Variants in UMODL1 observed in about 807,000 individuals in gnomAD.
The protein encoded by UMODL1 is uromodulin like 1.
A neutral mutation model predicts 136.3 loss-of-function variants in UMODL1; 128 were observed. The observed-to-expected ratio is 0.94, with a 90% CI of 0.81 to 1.09. The LOEUF (loss-of-function observed/expected upper bound fraction) is 1.09, where lower values mean the gene tolerates loss of function less well. Ranked by LOEUF, UMODL1 falls within the 50% of genes least tolerant of loss-of-function variation. The pLI is 0.00. For synonymous variants in UMODL1, 721 were observed against 720.0 expected (o/e 1.00, Z -0.02); for missense variants, 1,766 against 1,725.6 (o/e 1.02, Z -0.41).
intron 19 of UMODL1, 149 bp from the exon 20 acceptor site, chr21:42,127,523 G>A: frequency 9.9e-7 from 1 of 1,008,500 alleles, no homozygotes; most frequent in Middle Eastern, 3.2e-4. Context: ...CCTGGGTTTT[G>A]GGGAACAAAT....
Position 42,074,810 on chromosome 21 carries a change from C to T in UMODL1, c.77-1195C>T, listed in dbSNP as rs149928394. ...CATGATCTGGGCTCACTGCAACCTCCGCCTCCTGGGTTCAAGCAATTCTCC... is the reference window on the plus strand; with the variant it reads ...CATGATCTGGGCTCACTGCAACCTCTGCCTCCTGGGTTCAAGCAATTCTCC... On this transcript the variant is annotated intron_variant, in intron 1 of 22. Transcript: ENST00000408910. 1.4e-4 allele frequency among the ~76,000 whole-genome samples: 22 copies of T among 152,228 alleles called. No individual in the cohort carries two copies. In the East Asian group the frequency reaches 3.7e-3, roughly 25 times the overall value.
chr21:42,111,337 G>A, intron 11 of UMODL1, 169 bp from the exon 12 acceptor site: 1 of 1,606,448 alleles, frequency 6.2e-7, no homozygotes, highest in Non-Finnish European at 8.5e-7. Flanking sequence ...GCCCCAGCCA[G>A]GGGAGCCCCA....
chr21:42,065,914 C>T (rs373407159), intron 1 of UMODL1, among the ~76,000 whole-genome samples: 12 of 152,320 alleles, frequency 7.9e-5, no homozygotes, highest in East Asian at 3.9e-4. Context: ...CTCCAGACCA[C>T]GCTGCCCTCC....
At chr21:42,119,413 C>A in intron 15 of UMODL1, 89 bp downstream of exon 15, 1 of 1,239,882 alleles carries the variant, frequency 8.1e-7, no homozygotes. Context: ...TGAAAGATGT[C>A]GTGTTGTGCC....
In UMODL1 at chr21:42,127,135, G is replaced by A. The variant is rs368983064; in HGVS notation, c.3423G>A (p.Val1141=). The A allele has an allele frequency of 4.1e-5, 66 of 1,614,044 alleles. No individual in the cohort carries two copies. Among genetic ancestry groups the A allele is most frequent in the Non-Finnish European group, 5.3e-5 (62 of 1,180,044 alleles). Residue 1141 remains valine (V), a synonymous_variant, in exon 19 of 23, where the codon GTG becomes GTA. Transcript: ENST00000408910. ...CCAGTGACGATGTCAGGATCGAAGT[G>A]GGGCTCTACAGGCAGAAAAGCAACC... ...VSASDDVRIE[V]GLYRQKSNLK... is the part of the protein sequence containing the mutation.
chr21:42,111,135 C>A lies in UMODL1; in HGVS notation c.1899+14C>A. ...GTGGAGCAGGAGGTGCCCAGCACTG[C>A]CCCGGGTCTGGGGATGGACCAGGGG... On this transcript the variant is annotated intron_variant, in intron 11 of 22. Transcript: ENST00000408910. The A allele has an allele frequency of 6.2e-7, 1 of 1,600,700 alleles. No individual in the cohort carries two copies. Among genetic ancestry groups the A allele is most frequent in the South Asian group, 1.1e-5 (1 of 89,318 alleles).
rs368843752 is a variant in UMODL1, at chr21:42,090,337, C to G, written c.830C>G (p.Ser277Cys). 3 of 1,614,046 alleles carry G rather than the reference C, an allele frequency of 1.9e-6. No homozygotes were observed. In the African/African-American group the frequency reaches 4.0e-5, roughly 22 times the overall value. Residue 277 changes from serine (S) to cysteine (C), a missense_variant, in exon 6 of 23, where the codon TCT (serine) becomes TGT (cysteine). Transcript: ENST00000408910. ...ECFYEELNAC[S>C]GRELCANLEG... Reference sequence around the variant, plus strand: ...TTCTATGAGGAGCTCAATGCCTGCTCTGGAAGGGAACTGTGCGCAAACCTG... The same window carrying G: ...TTCTATGAGGAGCTCAATGCCTGCTGTGGAAGGGAACTGTGCGCAAACCTG...
intron 1 of UMODL1, 25 bp downstream of exon 1, chr21:42,071,417 G>T: frequency 6.4e-7 from 1 of 1,555,184 alleles, no homozygotes; most frequent in Admixed American, 1.9e-5. Context: ...CTTGGCATGG[G>T]CAGTTCTTAA....
In UMODL1 at chr21:42,109,074, CCGCTGG is replaced by C. The variant is rs1439846938; in HGVS notation, c.1520-487_1520-482del. Reference sequence around the variant, plus strand: ...CGGCGTGGAAAGCTGGTGTTATACTCCGCTGGACCCCCACCCCCGGCGTGGAAAGCT... The same window carrying C: ...CGGCGTGGAAAGCTGGTGTTATACTCACCCCCACCCCCGGCGTGGAAAGCT... On this transcript the variant is annotated intron_variant, in intron 9 of 22. Coordinates refer to ENST00000408910, the MANE Select transcript of UMODL1 (RefSeq NM_001004416.3). 4.1e-4 allele frequency among the ~76,000 whole-genome samples: 55 copies of C among 135,268 alleles called. 1 individual carries two copies. Among genetic ancestry groups the C allele is most frequent in the Admixed American group, 7.5e-4 (10 of 13,406 alleles). 88.7% of individuals were successfully genotyped at this position (135,268 alleles called of 152,430 possible).
At chr21:42,080,624 A>G (rs73905539) in intron 2 of UMODL1, among the ~76,000 whole-genome samples, 5,826 of 152,330 alleles carry the variant, frequency 0.038, 359 homozygotes, top group African/African-American at 0.13. Context: ...TTTTAAAAAT[A>G]TAATTACAGA....
At chr21:42,089,967 T>A (rs1166432817) in intron 5 of UMODL1, among the ~76,000 whole-genome samples, 1 of 152,160 alleles carries the variant, frequency 6.6e-6, no homozygotes, top group Admixed American at 6.5e-5. Context: ...TACTTTACGC[T>A]TGGGGTGGGA....
chr21:42,072,950 C>T (rs578195023), intron 1 of UMODL1, among the ~76,000 whole-genome samples: 13 of 152,312 alleles, frequency 8.5e-5, no homozygotes, highest in African/African-American at 2.9e-4. Context: ...CACGTGACCT[C>T]GGATAAAATG....
Position 42,109,703 on chromosome 21 carries a change from C to G in UMODL1, c.1657+4C>G. 6.2e-7 allele frequency: 1 copy of G among 1,600,706 alleles called. No homozygotes were observed. The highest frequency in any genetic ancestry group is 8.5e-7 in the Non-Finnish European group (1 of 1,179,736). On this transcript the variant is annotated splice_donor_region_variant and intron_variant, in intron 10 of 22. Transcript: ENST00000408910. Reference sequence around the variant, plus strand: ...CGCGCAGGCCGGGCCTGTGAGGGTACGTGTCGACCCCCCTGCCGACTCTGG... The same window carrying G: ...CGCGCAGGCCGGGCCTGTGAGGGTAGGTGTCGACCCCCCTGCCGACTCTGG...
chr21:42,066,672 A>G (rs1332314156), upstream of UMODL1, among the ~76,000 whole-genome samples: 1 of 152,206 alleles, frequency 6.6e-6, no homozygotes, highest in Admixed American at 6.5e-5. Flanking sequence ...AGATACAGAC[A>G]ATTAACAAAC....
chr21:42,090,321 G>T lies in UMODL1; in HGVS notation c.814G>T (p.Glu272Ter), dbSNP rs1275123769. The T allele has an allele frequency of 2.5e-6, 4 of 1,614,122 alleles. No homozygotes were observed. Among genetic ancestry groups the T allele is most frequent in the Non-Finnish European group, 2.5e-6 (3 of 1,180,020 alleles). The part of the protein sequence containing the change: ...VQDVNECFYE[E>*]LNACSGRELC... Reference sequence around the variant, plus strand: ...AGATGTCAATGAGTGTTTCTATGAGGAGCTCAATGCCTGCTCTGGAAGGGA... The same window carrying T: ...AGATGTCAATGAGTGTTTCTATGAGTAGCTCAATGCCTGCTCTGGAAGGGA... The change falls in exon 6 of 23, where the codon GAG becomes TAG. Residue 272 changes from glutamate to a stop codon, truncating the protein, a stop_gained. Transcript: ENST00000408910. LOFTEE classifies it high-confidence loss of function.
chr21:42,103,893 T>A lies in UMODL1; in HGVS notation c.1325T>A (p.Val442Glu). The change falls in exon 9 of 23, where the codon GTG (valine) becomes GAG (glutamate). Residue 442 changes from valine to glutamate, a missense_variant. By Grantham distance (121) the Val-to-Glu change is moderately radical. Coordinates refer to ENST00000408910, the MANE Select transcript of UMODL1 (RefSeq NM_001004416.3). ...GTCGAGAGCTCCTTCCCACCAGTGG[T>A]GTCTGACTTGTACCGAAGTGGGAAG... Reference protein sequence around the residue: ...HEVESSFPPVVSDLYRSGKLR... With the variant: ...HEVESSFPPVESDLYRSGKLR... 1 of 1,614,164 alleles carries A rather than the reference T, an allele frequency of 6.2e-7. No homozygotes were observed. The highest frequency in any genetic ancestry group is 2.2e-5 in the East Asian group (1 of 44,876).
upstream of UMODL1, among the ~76,000 whole-genome samples, chr21:42,067,114 T>C (rs555945358): frequency 6.6e-6 from 1 of 152,020 alleles, no homozygotes; most frequent in African/African-American, 2.4e-5. Context: ...GCTGAGATTA[T>C]AGGCATGTGC....
intron 8 of UMODL1, 177 bp from the exon 9 acceptor site, chr21:42,103,691 G>T (rs1465300091): frequency 6.4e-6 from 5 of 778,296 alleles, no homozygotes; most frequent in Non-Finnish European, 1.1e-5. Flanking sequence ...GGAAAGCCCA[G>T]CTAAGGTGCT....
At chr21:42,132,220 TCATC>T (rs1430164963) in intron 21 of UMODL1, among the ~76,000 whole-genome samples, 1 of 151,516 alleles carries the variant, frequency 6.6e-6, no homozygotes, top group African/African-American at 2.4e-5. Context: ...CACTCATCTA[TCATC>T]CATCCATCCA....
Sources: allele counts gnomAD v4.1 joint callset (sites outside exome capture counted in the v4.1 genomes callset), GRCh38; gene constraint gnomAD v4.1.1; transcripts MANE v1.5; gene names NCBI Gene and HGNC (gene_info 2026-07-23, HGNC 2026-07-21).